The following RSRC2 variants were observed in gnomAD, a reference collection of about 807,000 sequenced individuals.
RSRC2 encodes arginine and serine rich coiled-coil 2, also known as arginine/serine-rich coiled-coil protein 2.
RSRC2 carries 5 observed loss-of-function variants against 61.3 expected under a neutral mutation model. That is an observed-to-expected ratio of 0.08 (90% CI 0.04 to 0.17). The LOEUF is 0.17. Ranked by LOEUF, RSRC2 falls within the 10% of genes least tolerant of loss-of-function variation. RSRC2 has a pLI of 1.00. For synonymous variants in RSRC2, 202 were observed against 166.5 expected (o/e 1.21, Z -1.64); for missense variants, 381 against 518.8 (o/e 0.73, Z 2.58).
intron 6 of RSRC2, chr12:122,514,796 AC>A (rs1958786734): frequency 1.1e-6 from 1 of 935,274 alleles, no homozygotes; most frequent in Non-Finnish European, 1.4e-6. Flanking sequence ...TAGTTCTTGA[AC>A]CAGATTTAAG....
intron 6 of RSRC2, chr12:122,514,653 A>G (rs904419861): frequency 4.6e-6 from 5 of 1,083,536 alleles, no homozygotes; most frequent in Non-Finnish European, 5.8e-6. Flanking sequence ...ATTAGCTTAT[A>G]ATGTATTATC....
chr12:122,519,200 A>ATT, intron 3 of RSRC2, 171 bp from the exon 4 acceptor site: 1 of 557,854 alleles, frequency 1.8e-6, no homozygotes, highest in African/African-American at 1.9e-5. Context: ...TGTAATTACT[A>ATT]TTTTTTTTAC....
At position 122,506,815 on chromosome 12, in the gene RSRC2, T is replaced by C. The variant is rs1958143791; in HGVS notation, c.1125+19A>G. The stretch of plus-strand genomic sequence containing the variant: ...GCTAATAGCTAATACAAAGATCCCC[T>C]GGCACATGTGAAACTCACCTTAATA... On this transcript the variant is annotated intron_variant, in intron 9 of 9. Coordinates refer to ENST00000331738, the MANE Select transcript of RSRC2 (RefSeq NM_023012.6). 7.0e-7 allele frequency: 1 copy of C among 1,425,990 alleles called. No individual in the cohort carries two copies. Among genetic ancestry groups the C allele is most frequent in the Non-Finnish European group, 9.9e-7 (1 of 1,010,478 alleles). 88.3% of individuals were successfully genotyped at this position (1,425,990 alleles called of 1,614,324 possible). A position where few individuals can be genotyped will look rare whatever the true frequency, so the allele number is the denominator to read the frequency against.
chr12:122,525,376 C>A (rs996991320), intron 1 of RSRC2, among the ~76,000 whole-genome samples: 1 of 151,702 alleles, frequency 6.6e-6, no homozygotes, highest in Non-Finnish European at 1.5e-5. Flanking sequence ...AACTCCGTCT[C>A]GAAAAAATAC....
Position 122,522,196 on chromosome 12 carries a change from T to G in RSRC2, c.110A>C (p.Lys37Thr), listed in dbSNP as rs750692951. Residue 37 changes from lysine (K) to threonine (T), a missense_variant, in exon 2 of 10, where the codon AAA (lysine) becomes ACA (threonine). Lys to Thr is a moderately conservative substitution (Grantham distance 78, BLOSUM62 -1). Transcript: ENST00000331738. Reference protein sequence around the residue: ...SEVSVSPRASKHHYSRSRSRS... With the variant: ...SEVSVSPRASTHHYSRSRSRS... ...TGATCGTGATCTTGAATAATGATGT[T>G]TTGAAGCTCTAGGAGAAACAGATAC... 2.5e-6 allele frequency: 4 copies of G among 1,614,060 alleles called. No individual in the cohort carries two copies. The South Asian group carries it at 4.4e-5, about 18-fold the overall frequency.
intron 8 of RSRC2, 82 bp from the exon 9 acceptor site, chr12:122,507,005 A>T (rs1391651359): frequency 1.0e-5 from 5 of 493,104 alleles, no homozygotes; most frequent in East Asian, 4.2e-5. Flanking sequence ...TGTCTAAATT[A>T]AAAAAAAAAA....
Position 122,503,607 on chromosome 12 carries a change from A to T in RSRC2, c.*1920T>A, listed in dbSNP as rs1469940389. 1 of 152,198 alleles carries T rather than the reference A, an allele frequency of 6.6e-6. No individual in the cohort carries two copies. The highest frequency in any genetic ancestry group is 2.4e-5 in the African/African-American group (1 of 41,450). 9.4% of individuals were successfully genotyped at this position (152,198 alleles called of 1,614,324 possible). The stretch of plus-strand genomic sequence containing the variant: ...GCCTTAGAAGGTCATGAACATTTTT[A>T]ATAAGATTGATTTAAAAAGGCAGAG... On this transcript the variant is annotated 3_prime_UTR_variant, in exon 10 of 10. Coordinates refer to ENST00000331738, the MANE Select transcript of RSRC2 (RefSeq NM_023012.6).
At chr12:122,522,014 A>G in intron 2 of RSRC2, 129 bp downstream of exon 2, 2 of 961,356 alleles carry the variant, frequency 2.1e-6, no homozygotes, top group South Asian at 3.5e-5. Flanking sequence ...TGGCCTCCCA[A>G]AGTGCTGGCA....
chr12:122,511,046 G>T, intron 7 of RSRC2, 63 bp downstream of exon 7: 1 of 1,273,362 alleles, frequency 7.9e-7, no homozygotes, highest in Non-Finnish European at 1.1e-6. Flanking sequence ...AAATCCCTGT[G>T]AAAAACAAAA....
chr12:122,515,107 T>C lies in RSRC2; in HGVS notation c.723A>G (p.Arg241=). 2 of 1,613,372 alleles carry C rather than the reference T, an allele frequency of 1.2e-6. No homozygotes were observed. The highest frequency in any genetic ancestry group is 1.1e-5 in the South Asian group (1 of 90,784). ...TAMDAQEALA[R]RLERAKKLQE... ...AATGAATTAAGAAATATACACACCT[T>C]CTAGCTAAAGCTTCCTGTGCATCCA... is the stretch of plus-strand genomic sequence containing the variant. The change falls in exon 6 of 10, where the codon AGA becomes AGG. Residue 241 remains arginine, a splice_region_variant and synonymous_variant. Transcript: ENST00000331738.
At chr12:122,507,771 C>T (rs1593358141) in intron 8 of RSRC2, 1 of 165,524 alleles carries the variant, frequency 6.0e-6, no homozygotes, top group South Asian at 1.5e-4. Context: ...CTGCAACCTC[C>T]GCCTCCCAGG....
intron 8 of RSRC2, 81 bp from the exon 9 acceptor site, chr12:122,507,004 T>C: frequency 5.0e-6 from 3 of 594,474 alleles, no homozygotes; most frequent in Non-Finnish European, 8.5e-6. Flanking sequence ...ATGTCTAAAT[T>C]AAAAAAAAAA....
intron 5 of RSRC2, among the ~76,000 whole-genome samples, chr12:122,516,311 G>A (rs1319298462): frequency 1.3e-5 from 2 of 152,146 alleles, no homozygotes; most frequent in African/African-American, 2.4e-5. Flanking sequence ...TTCCTCCTGT[G>A]CTCTTTATTG....
At chr12:122,508,593 G>A in intron 7 of RSRC2, 146 bp from the exon 8 acceptor site, 1 of 644,740 alleles carries the variant, frequency 1.6e-6, no homozygotes, top group Admixed American at 2.9e-5. Flanking sequence ...CTGAGTATTA[G>A]CTCACAAGTT....
In RSRC2 at chr12:122,517,219, T is replaced by C. The variant is rs1326497128; in HGVS notation, c.602+8A>G. 1 of 1,614,106 alleles carries C rather than the reference T, an allele frequency of 6.2e-7. No individual in the cohort carries two copies. The highest frequency in any genetic ancestry group is 1.1e-5 in the South Asian group (1 of 91,082). On this transcript the variant is annotated splice_region_variant and intron_variant, in intron 5 of 9. Transcript: ENST00000331738. ...TATTAAATTTTATTCAGGATGATGG[T>C]CACCTACCGACTCCTACTCCTTGTC...
chr12:122,511,874 T>C (rs1234063347), intron 6 of RSRC2, among the ~76,000 whole-genome samples: 1 of 152,212 alleles, frequency 6.6e-6, no homozygotes, highest in Admixed American at 6.5e-5. Flanking sequence ...TGGCACGACC[T>C]TGGCTCACTG....
chr12:122,523,799 T>A (rs1051195283), intron 1 of RSRC2: 2 of 152,208 alleles, frequency 1.3e-5, no homozygotes, highest in East Asian at 1.9e-4. Flanking sequence ...AATGAAGTTG[T>A]GAGAGGTCGA....
intron 9 of RSRC2, chr12:122,506,530 AGCCTCGAAGTTTAAGGCT>A: frequency 4.1e-6 from 1 of 245,200 alleles, no homozygotes; most frequent in Non-Finnish European, 7.8e-6. Flanking sequence ...GGACTGCTTG[AGCCTCGAAGTTTAAGGCT>A]GCAGTGAGGT....
chr12:122,516,398 T>G (rs1181467842), intron 5 of RSRC2, among the ~76,000 whole-genome samples: 1 of 152,212 alleles, frequency 6.6e-6, no homozygotes, highest in East Asian at 1.9e-4. Context: ...AAACAAAATC[T>G]GAGGTAGTTT....
Sources: gnomAD v4.1 joint callset for allele counts (sites outside exome capture counted in the v4.1 genomes callset) on GRCh38, gnomAD v4.1.1 for gene constraint, MANE v1.5 for transcripts, NCBI Gene and HGNC (gene_info 2026-07-23, HGNC 2026-07-21) for gene names.